Variants in LRRC7 observed in about 807,000 individuals in gnomAD.
LRRC7 encodes leucine-rich repeat-containing protein 7.
LRRC7 carries 23 observed loss-of-function variants against 175.7 expected under a neutral mutation model. The ratio of observed to expected loss-of-function variants is 0.13; its 90% CI spans 0.09 to 0.19. The LOEUF (loss-of-function observed/expected upper bound fraction) is 0.19. Ranked by LOEUF, LRRC7 falls within the 10% of genes least tolerant of loss-of-function variation. The pLI is 1.00. For synonymous variants in LRRC7, 685 were observed against 680.9 expected (o/e 1.01, Z -0.09); for missense variants, 1,354 against 1,904.7 (o/e 0.71, Z 5.38).
chr1:69,970,840 A>T (rs1030331758), intron 8 of LRRC7, among the ~76,000 whole-genome samples: 2 of 152,128 alleles, frequency 1.3e-5, no homozygotes, highest in African/African-American at 4.8e-5. Context: ...AGAAAACTAC[A>T]AATCAATATC....
chr1:69,942,264 T>G (rs1434764289), intron 8 of LRRC7, among the ~76,000 whole-genome samples: 1 of 152,202 alleles, frequency 6.6e-6, no homozygotes, highest in Non-Finnish European at 1.5e-5. Context: ...CCCATACAAC[T>G]TCCTTTAAGC....
chr1:69,901,624 G>A (rs1646137035), intron 7 of LRRC7, among the ~76,000 whole-genome samples: 1 of 152,082 alleles, frequency 6.6e-6, no homozygotes, highest in South Asian at 2.1e-4. Flanking sequence ...TTCTCCAAGA[G>A]CAAATTGCTC....
chr1:69,871,053 T>C (rs1216097727), intron 7 of LRRC7, among the ~76,000 whole-genome samples: 3 of 151,984 alleles, frequency 2.0e-5, no homozygotes, highest in African/African-American at 7.2e-5. Flanking sequence ...TCTTAATTCA[T>C]TGACTTTTAA....
At chr1:69,585,015 GCAAAATGTTATA>G (rs1035098521) in intron 1 of LRRC7, among the ~76,000 whole-genome samples, 3 of 152,226 alleles carry the variant, frequency 2.0e-5, no homozygotes, top group African/African-American at 7.2e-5. Context: ...TGTACATATA[GCAAAATGTTATA>G]CAAAATGTTC....
At chr1:69,789,070 T>C (rs1674819653) in intron 3 of LRRC7, among the ~76,000 whole-genome samples, 1 of 152,168 alleles carries the variant, frequency 6.6e-6, no homozygotes, top group Non-Finnish European at 1.5e-5. Flanking sequence ...ATTTTTATTT[T>C]CAACTTTTGA....
intron 1 of LRRC7, among the ~76,000 whole-genome samples, chr1:69,583,990 A>G (rs1646304535): frequency 6.6e-6 from 1 of 152,168 alleles, no homozygotes; most frequent in South Asian, 2.1e-4. Context: ...CGGCAGAGAA[A>G]AACACAACTC....
At chr1:69,924,622 A>C (rs984534238) in intron 7 of LRRC7, among the ~76,000 whole-genome samples, 1 of 152,102 alleles carries the variant, frequency 6.6e-6, no homozygotes, top group Non-Finnish European at 1.5e-5. Flanking sequence ...GTGTATAAGA[A>C]TGCTTGTGAT....
intron 8 of LRRC7, among the ~76,000 whole-genome samples, chr1:69,979,046 CT>C (rs568117289): frequency 6.6e-6 from 1 of 152,142 alleles, no homozygotes; most frequent in Admixed American, 6.5e-5. Context: ...ACAGGCTCTC[CT>C]TTTTTTGTCA....
At chr1:69,679,776 T>C (rs1325376410) in intron 2 of LRRC7, among the ~76,000 whole-genome samples, 1 of 152,156 alleles carries the variant, frequency 6.6e-6, no homozygotes, top group Non-Finnish European at 1.5e-5. Context: ...TTTGTAGATA[T>C]GTTTGCAAAT....
intron 21 of LRRC7, among the ~76,000 whole-genome samples, chr1:70,043,061 T>C (rs1315374399): frequency 1.3e-5 from 2 of 152,022 alleles, no homozygotes; most frequent in Non-Finnish European, 2.9e-5. Context: ...TACATTTCCA[T>C]TGTAGATTGA....
chr1:69,749,979 T>C (rs1451705650), intron 2 of LRRC7, among the ~76,000 whole-genome samples: 1 of 151,838 alleles, frequency 6.6e-6, no homozygotes, highest in Non-Finnish European at 1.5e-5. Flanking sequence ...GGGAATCGCT[T>C]GAACCCGGGA....
chr1:69,570,614 C>T (rs545489134), intron 1 of LRRC7, among the ~76,000 whole-genome samples: 49 of 152,268 alleles, frequency 3.2e-4, no homozygotes, highest in African/African-American at 1.2e-3. Flanking sequence ...GTCCAGGCTT[C>T]CTTGAATTGG....
rs1045598439 is a variant in LRRC7, at chr1:69,688,555, C to T, written c.100+10077C>T. Among the ~76,000 whole-genome samples, 3 of 151,842 alleles carry T rather than the reference C, an allele frequency of 2.0e-5. No individual in the cohort carries two copies. In the South Asian group the frequency reaches 6.2e-4, roughly 32 times the overall value. On this transcript the variant is annotated intron_variant, in intron 2 of 26. Coordinates refer to ENST00000651989, the MANE Select transcript of LRRC7 (RefSeq NM_001370785.2). ...TTCTTGGGCTGGCATCGATGTTCTG[C>T]AGTTATGAACCTCACACATGTGCAT...
chr1:70,097,823 G>T (rs1664524476), intron 25 of LRRC7, among the ~76,000 whole-genome samples: 1 of 150,104 alleles, frequency 6.7e-6, no homozygotes, highest in South Asian at 2.1e-4. Context: ...AGTATTCCAT[G>T]GTGTATATGT....
At position 70,039,285 on chromosome 1, in the gene LRRC7, C is replaced by A; in HGVS notation, c.3461C>A (p.Ala1154Asp). 6.2e-7 allele frequency: 1 copy of A among 1,613,956 alleles called. No individual in the cohort carries two copies. The highest frequency in any genetic ancestry group is 8.5e-7 in the Non-Finnish European group (1 of 1,179,994). The change falls in exon 21 of 27, where the codon GCC becomes GAC. Residue 1154 changes from alanine to aspartate, a missense_variant. Physicochemically the swap from Ala to Asp is moderately radical, Grantham distance 126 (BLOSUM62 -2). Transcript: ENST00000651989. ...QGARAGFLRR[A>D]DSLVSATEMA... ...GCCAGGGCGGGCTTCCTGAGAAGGGCCGACTCCCTGGTGAGCGCCACAGAA... is the reference window on the plus strand; with the variant it reads ...GCCAGGGCGGGCTTCCTGAGAAGGGACGACTCCCTGGTGAGCGCCACAGAA...
chr1:70,026,135 T>C lies in LRRC7; in HGVS notation c.1795-2036T>C, dbSNP rs115460382. Reference sequence around the variant, plus strand: ...TACATTACATTATTCAATGAAGTATTTAATTCAGTTAAGGAAGAACACTTC... The same window carrying C: ...TACATTACATTATTCAATGAAGTATCTAATTCAGTTAAGGAAGAACACTTC... On this transcript the variant is annotated intron_variant, in intron 17 of 26. Coordinates refer to ENST00000651989, the MANE Select transcript of LRRC7 (RefSeq NM_001370785.2). Among the ~76,000 whole-genome samples the C allele has an allele frequency of 6.7e-3, 1,015 of 152,240 alleles. 6 individuals are homozygous for C. The highest frequency in any genetic ancestry group is 9.3e-3 in the Non-Finnish European group (634 of 67,986).
At chr1:69,613,047 A>G (rs904424034) in intron 1 of LRRC7, among the ~76,000 whole-genome samples, 3 of 151,878 alleles carry the variant, frequency 2.0e-5, no homozygotes, top group Non-Finnish European at 4.4e-5. Context: ...TGCCTACCCC[A>G]CCCATCTTCA....
intron 7 of LRRC7, among the ~76,000 whole-genome samples, chr1:69,903,539 G>T (rs1281905818): frequency 6.6e-6 from 1 of 152,030 alleles, no homozygotes; most frequent in Non-Finnish European, 1.5e-5. Context: ...GCACTAAATG[G>T]CCACAAGACA....
chr1:69,759,367 A>G (rs1670787333), intron 2 of LRRC7, among the ~76,000 whole-genome samples: 3 of 152,040 alleles, frequency 2.0e-5, no homozygotes, highest in Admixed American at 2.0e-4. Context: ...GAAAAAATAC[A>G]TGAAAAACAG....
Sources: allele counts gnomAD v4.1 joint callset (sites outside exome capture counted in the v4.1 genomes callset), GRCh38; gene constraint gnomAD v4.1.1; transcripts MANE v1.5; gene names NCBI Gene and HGNC (gene_info 2026-07-23, HGNC 2026-07-21).